Variants in NUBPL observed in about 807,000 individuals in gnomAD.
The protein encoded by NUBPL is NUBP iron-sulfur cluster assembly factor, mitochondrial.
Under a neutral mutation model 45.7 loss-of-function variants are expected in NUBPL, and 31 were observed. That is an observed-to-expected ratio of 0.68 (90% CI 0.51 to 0.92). NUBPL has a LOEUF of 0.92. Among genes scored for constraint, NUBPL ranks in the 40% least tolerant of loss-of-function variants. The pLI is 0.00. For synonymous variants in NUBPL, 144 were observed against 140.9 expected (o/e 1.02, Z -0.15); for missense variants, 401 against 398.7 (o/e 1.01, Z -0.05).
intron 4 of NUBPL, among the ~76,000 whole-genome samples, chr14:31,637,270 G>T (rs1305081083): frequency 6.6e-6 from 1 of 152,188 alleles, no homozygotes; most frequent in East Asian, 1.9e-4. Context: ...ATGTGTCCCA[G>T]AGATTCTGGT....
At chr14:31,643,346 AT>A (rs2035759019) in intron 4 of NUBPL, among the ~76,000 whole-genome samples, 1 of 151,842 alleles carries the variant, frequency 6.6e-6, no homozygotes. Flanking sequence ...TTTGTTGAGG[AT>A]TTTTATCATA....
At chr14:31,611,795 A>G (rs556601598) in intron 4 of NUBPL, among the ~76,000 whole-genome samples, 1 of 152,356 alleles carries the variant, frequency 6.6e-6, no homozygotes, top group South Asian at 2.1e-4. Flanking sequence ...ATTTTCGACA[A>G]AGTTTCCAAG....
intron 8 of NUBPL, among the ~76,000 whole-genome samples, chr14:31,828,428 T>C (rs1444607564): frequency 6.6e-6 from 1 of 152,230 alleles, no homozygotes; most frequent in Non-Finnish European, 1.5e-5. Flanking sequence ...GTGCCAATTG[T>C]CTATTAAGAT....
At chr14:31,743,186 C>T (rs1393706081) in intron 6 of NUBPL, among the ~76,000 whole-genome samples, 1 of 152,144 alleles carries the variant, frequency 6.6e-6, no homozygotes, top group Non-Finnish European at 1.5e-5. Context: ...AAGTTCACCT[C>T]CACCGTTTAA....
chr14:31,669,809 G>GTTTTTTTTTTTTTTTTTTTT (rs35705230), intron 4 of NUBPL, among the ~76,000 whole-genome samples: 1 of 51,530 alleles, frequency 1.9e-5, no homozygotes, highest in Non-Finnish European at 3.1e-5. Context: ...TTTTTTTTTT[G>GTTTTTTTTTTTTTTTTTTTT]TTTTTTTTTT....
chr14:31,591,453 C>T (rs755518275), intron 3 of NUBPL, among the ~76,000 whole-genome samples: 2 of 152,230 alleles, frequency 1.3e-5, no homozygotes, highest in East Asian at 1.9e-4. Flanking sequence ...TGAGCCACTG[C>T]GCCCAGCCAT....
chr14:31,608,942 A>G (rs2034678023), intron 4 of NUBPL, among the ~76,000 whole-genome samples: 1 of 152,194 alleles, frequency 6.6e-6, no homozygotes, highest in East Asian at 1.9e-4. Flanking sequence ...TACACAACAA[A>G]TAAAAAGCAA....
At chr14:31,666,232 T>G (rs200436056) in intron 4 of NUBPL, among the ~76,000 whole-genome samples, 2 of 9,344 alleles carry the variant, frequency 2.1e-4, no homozygotes, top group African/African-American at 4.8e-4. Flanking sequence ...ATTTAAGATA[T>G]ATATATATAT....
At chr14:31,840,705 C>T (rs7161640) in intron 8 of NUBPL, among the ~76,000 whole-genome samples, 89,860 of 151,648 alleles carry the variant, frequency 0.59, 28,564 homozygotes, top group African/African-American at 0.85. Context: ...ATGTGGAATC[C>T]AAAAAAAGTT....
At chr14:31,610,608 C>CAAAAAAAAAAAA (rs775656176) in intron 4 of NUBPL, among the ~76,000 whole-genome samples, 50 of 94,628 alleles carry the variant, frequency 5.3e-4, no homozygotes, top group East Asian at 1.3e-3. Context: ...AAAGATACAT[C>CAAAAAAAAAAAA]AAAAAAAAAA....
chr14:31,780,388 T>G (rs1394442007), intron 6 of NUBPL, among the ~76,000 whole-genome samples: 1 of 152,080 alleles, frequency 6.6e-6, no homozygotes, highest in African/African-American at 2.4e-5. Flanking sequence ...GATTTTTTAC[T>G]GAACTTACAT....
At chr14:31,806,122 T>C (rs1166867086) in intron 7 of NUBPL, among the ~76,000 whole-genome samples, 1 of 152,192 alleles carries the variant, frequency 6.6e-6, no homozygotes, top group Non-Finnish European at 1.5e-5. Context: ...TGTTAGAAAT[T>C]TGATCAGGAT....
intron 6 of NUBPL, among the ~76,000 whole-genome samples, chr14:31,760,179 G>GAGAGAGAGAGAGAGAGAGAGAGAT (rs2038775013): frequency 6.8e-6 from 1 of 147,958 alleles, no homozygotes; most frequent in East Asian, 2.0e-4. Context: ...GAGAGAGAGA[G>GAGAGAGAGAGAGAGAGAGAGAGAT]AGACAGGGTG....
chr14:31,688,628 G>A (rs1356024180), intron 6 of NUBPL, among the ~76,000 whole-genome samples: 2 of 145,336 alleles, frequency 1.4e-5, no homozygotes, highest in African/African-American at 5.2e-5. Flanking sequence ...TGAGGAGAAA[G>A]GCTATCTGCC....
intron 6 of NUBPL, among the ~76,000 whole-genome samples, chr14:31,701,064 G>A (rs757808980): frequency 2.2e-4 from 33 of 152,244 alleles, no homozygotes; most frequent in Non-Finnish European, 4.1e-4. Flanking sequence ...AGGATTGTAT[G>A]TGCACCAGTC....
At chr14:31,573,119 CCAA>C (rs1261292797) in intron 3 of NUBPL, among the ~76,000 whole-genome samples, 1 of 152,126 alleles carries the variant, frequency 6.6e-6, no homozygotes. Context: ...TTTGTTTACA[CCAA>C]CATCACCATA....
chr14:31,749,203 T>C (rs1331647498), intron 6 of NUBPL, among the ~76,000 whole-genome samples: 1 of 152,234 alleles, frequency 6.6e-6, no homozygotes, highest in Non-Finnish European at 1.5e-5. Flanking sequence ...CTTTGTTCTC[T>C]TTTTTCCTCT....
chr14:31,581,597 C>T (rs2033865922), intron 3 of NUBPL, among the ~76,000 whole-genome samples: 1 of 152,142 alleles, frequency 6.6e-6, no homozygotes, highest in South Asian at 2.1e-4. Flanking sequence ...TTGCTTTTAG[C>T]AACTATGTGA....
chr14:31,834,475 G>T (rs1024645200), intron 8 of NUBPL, among the ~76,000 whole-genome samples: 1 of 152,084 alleles, frequency 6.6e-6, no homozygotes, highest in Non-Finnish European at 1.5e-5. Context: ...CACTGCGCCT[G>T]GCCGGTCTGG....
Sources: gnomAD v4.1 joint callset for allele counts (sites outside exome capture counted in the v4.1 genomes callset) on GRCh38, gnomAD v4.1.1 for gene constraint, MANE v1.5 for transcripts, NCBI Gene and HGNC (gene_info 2026-07-23, HGNC 2026-07-21) for gene names.